Variants in PDS5B observed in about 807,000 individuals in gnomAD.
PDS5B encodes sister chromatid cohesion protein PDS5 homolog B.
PDS5B carries 51 observed loss-of-function variants against 184.1 expected under a neutral mutation model. The ratio of observed to expected loss-of-function variants is 0.28; its 90% CI spans 0.22 to 0.35. The LOEUF (loss-of-function observed/expected upper bound fraction) is 0.35. PDS5B is among the 10% of genes least tolerant of loss of function. PDS5B has a pLI of 1.00. For missense variants in PDS5B, 1,180 were observed against 1,723.3 expected (o/e 0.68, Z 5.58); for synonymous variants, 566 against 569.2 (o/e 0.99, Z 0.08).
chr13:32,758,735 A>C lies in PDS5B; in HGVS notation c.3309+82A>C. The C allele has an allele frequency of 3.6e-6, 5 of 1,383,676 alleles. No individual in the cohort carries two copies. In the Middle Eastern group the frequency reaches 7.3e-4, roughly 203 times the overall value. The allele number at this position is 1,383,676 out of a possible 1,614,324, so 85.7% of individuals were successfully genotyped here. A position where few individuals can be genotyped will look rare whatever the true frequency, so the allele number is the denominator to read the frequency against. On this transcript the variant is annotated intron_variant, in intron 28 of 34. Coordinates refer to ENST00000315596, the MANE Select transcript of PDS5B (RefSeq NM_015032.4). ...GATTGTAGGAAGATCAGGAAGGATCATGGAAAAATTGCTGTGAGTCTTAAG... is the reference window on the plus strand; with the variant it reads ...GATTGTAGGAAGATCAGGAAGGATCCTGGAAAAATTGCTGTGAGTCTTAAG...
chr13:32,601,512 C>G (rs2057974121), intron 1 of PDS5B, among the ~76,000 whole-genome samples: 1 of 152,174 alleles, frequency 6.6e-6, no homozygotes. Flanking sequence ...CTCTTTTCCT[C>G]TTTATTGGCA....
intron 1 of PDS5B, among the ~76,000 whole-genome samples, chr13:32,628,710 C>T (rs968309205): frequency 2.0e-5 from 3 of 152,094 alleles, no homozygotes; most frequent in Non-Finnish European, 4.4e-5. Context: ...TGTGCACACA[C>T]ATACACACTT....
intron 34 of PDS5B, 125 bp downstream of exon 34, chr13:32,773,449 A>G: frequency 1.2e-6 from 1 of 826,928 alleles, no homozygotes; most frequent in Non-Finnish European, 1.9e-6. Flanking sequence ...GCATCATTTT[A>G]TCTACCAGGT....
At chr13:32,631,937 C>G (rs1370082126) in intron 1 of PDS5B, among the ~76,000 whole-genome samples, 2 of 152,134 alleles carry the variant, frequency 1.3e-5, no homozygotes, top group Non-Finnish European at 2.9e-5. Flanking sequence ...AGAGGAGGAA[C>G]CAGGATATTC....
In PDS5B at chr13:32,776,657, A is replaced by G. The variant is rs1232899148; in HGVS notation, c.*1605A>G. The G allele has an allele frequency of 1.3e-5, 2 of 152,442 alleles. No individual in the cohort carries two copies. Among genetic ancestry groups the G allele is most frequent in the Non-Finnish European group, 2.9e-5 (2 of 67,932 alleles). The allele number at this position is 152,442 out of a possible 1,614,324, so 9.4% of individuals were successfully genotyped here. A position where few individuals can be genotyped will look rare whatever the true frequency, so the allele number is the denominator to read the frequency against. On this transcript the variant is annotated 3_prime_UTR_variant, in exon 35 of 35. Coordinates refer to ENST00000315596, the MANE Select transcript of PDS5B (RefSeq NM_015032.4). The stretch of plus-strand genomic sequence containing the variant: ...TCACATTGAATAGTGGAACATTTTC[A>G]TATGATACACCATTATGTTTAAGAT...
At chr13:32,662,572 A>G (rs1467746266) in intron 6 of PDS5B, among the ~76,000 whole-genome samples, 1 of 152,174 alleles carries the variant, frequency 6.6e-6, no homozygotes, top group Non-Finnish European at 1.5e-5. Flanking sequence ...CACTAATAGC[A>G]AGCATGTAAT....
At chr13:32,644,177 T>C (rs1388154060) in intron 1 of PDS5B, among the ~76,000 whole-genome samples, 1 of 152,224 alleles carries the variant, frequency 6.6e-6, no homozygotes, top group African/African-American at 2.4e-5. Flanking sequence ...TTGTTACCTG[T>C]TGGTGACTTA....
intron 17 of PDS5B, among the ~76,000 whole-genome samples, chr13:32,704,325 C>T (rs988703996): frequency 2.0e-5 from 3 of 152,154 alleles, no homozygotes; most frequent in Non-Finnish European, 4.4e-5. Context: ...TGTGCCAGCA[C>T]ATCCAGCTAA....
At chr13:32,611,375 T>G (rs2058139139) in intron 1 of PDS5B, among the ~76,000 whole-genome samples, 1 of 152,172 alleles carries the variant, frequency 6.6e-6, no homozygotes. Context: ...TATTTTTTCA[T>G]TCATTAGTGT....
At chr13:32,594,862 G>T (rs1231180247) in intron 1 of PDS5B, among the ~76,000 whole-genome samples, 1 of 152,034 alleles carries the variant, frequency 6.6e-6, no homozygotes, top group African/African-American at 2.4e-5. Context: ...CCAATATATG[G>T]TCTTACGCTG....
At chr13:32,679,075 G>T in intron 10 of PDS5B, 146 bp downstream of exon 10, 2 of 460,654 alleles carry the variant, frequency 4.3e-6, no homozygotes. Flanking sequence ...GTTCTCTGAA[G>T]CTAGATTTTT....
At chr13:32,772,188 T>TA (rs537047558) in intron 33 of PDS5B, among the ~76,000 whole-genome samples, 12 of 152,278 alleles carry the variant, frequency 7.9e-5, no homozygotes, top group East Asian at 7.7e-4. Flanking sequence ...GAGCGTGAGT[T>TA]AAAAAAATAC....
chr13:32,753,243 C>T (rs1954051321), intron 24 of PDS5B, 89 bp from the exon 25 acceptor site: 2 of 995,024 alleles, frequency 2.0e-6, no homozygotes, highest in Admixed American at 2.0e-5. Context: ...CTACTGTTTA[C>T]TCTTTACTTA....
At chr13:32,645,751 A>C (rs188734683) in intron 1 of PDS5B, among the ~76,000 whole-genome samples, 1 of 152,308 alleles carries the variant, frequency 6.6e-6, no homozygotes, top group East Asian at 1.9e-4. Flanking sequence ...AGGAAAGTGT[A>C]AAACTTATGT....
At chr13:32,721,180 G>T (rs1481773588) in intron 19 of PDS5B, among the ~76,000 whole-genome samples, 3 of 152,232 alleles carry the variant, frequency 2.0e-5, no homozygotes, top group African/African-American at 7.2e-5. Context: ...CGGCGTGGTG[G>T]CTGGGCAGAG....
chr13:32,698,795 C>G (rs1436593045), intron 15 of PDS5B, among the ~76,000 whole-genome samples: 1 of 151,702 alleles, frequency 6.6e-6, no homozygotes, highest in Non-Finnish European at 1.5e-5. Context: ...ACTCTGTCGC[C>G]TAGGCTGGAG....
chr13:32,685,977 A>G (rs925182961), intron 11 of PDS5B, among the ~76,000 whole-genome samples: 2 of 152,198 alleles, frequency 1.3e-5, no homozygotes, highest in South Asian at 2.1e-4. Context: ...TTTTATTTCA[A>G]TATGTAGTTG....
intron 1 of PDS5B, among the ~76,000 whole-genome samples, chr13:32,590,489 C>T (rs2057757618): frequency 6.6e-6 from 1 of 152,110 alleles, no homozygotes; most frequent in South Asian, 2.1e-4. Context: ...AGCAGGCCCT[C>T]CTTCCTTTTC....
chr13:32,591,488 A>G (rs1181336867), intron 1 of PDS5B, among the ~76,000 whole-genome samples: 2 of 152,196 alleles, frequency 1.3e-5, no homozygotes, highest in Non-Finnish European at 2.9e-5. Flanking sequence ...ATACTGGCAC[A>G]TACAGATCAA....
Sources: allele counts gnomAD v4.1 joint callset (sites outside exome capture counted in the v4.1 genomes callset), GRCh38; gene constraint gnomAD v4.1.1; transcripts MANE v1.5; gene names NCBI Gene and HGNC (gene_info 2026-07-23, HGNC 2026-07-21).